IFT52: variants seen among roughly 807,000 people sequenced by gnomAD.
IFT52 encodes the protein intraflagellar transport protein 52 homolog.
IFT52 carries 44 observed loss-of-function variants against 54.4 expected under a neutral mutation model. That is an observed-to-expected ratio of 0.81 (90% CI 0.63 to 1.04). IFT52 has a LOEUF of 1.04. Among genes scored for constraint, IFT52 ranks in the 50% least tolerant of loss-of-function variants. The probability of loss-of-function intolerance (pLI) is 0.00; values close to 1 mark genes in which losing one functional copy is unlikely to be tolerated. For missense variants in IFT52, 452 were observed against 523.6 expected, an observed-to-expected ratio of 0.86 and a Z score of 1.33; for synonymous variants, 181 against 185.3, an observed-to-expected ratio of 0.98 and a Z score of 0.19.
intron 1 of IFT52, among the ~76,000 whole-genome samples, chr20:43,593,908 CAAAG>C (rs1280779525): frequency 6.6e-6 from 1 of 151,880 alleles, no homozygotes; most frequent in Non-Finnish European, 1.5e-5. Flanking sequence ...TGTGTACTGA[CAAAG>C]AAAGATGTCA....
intron 6 of IFT52, among the ~76,000 whole-genome samples, chr20:43,608,607 T>C (rs1278949058): frequency 6.6e-6 from 1 of 152,142 alleles, no homozygotes; most frequent in Non-Finnish European, 1.5e-5. Flanking sequence ...AAAGTTTTAG[T>C]AGTGAAAATA....
chr20:43,599,762 G>C (rs1982276366), intron 3 of IFT52, among the ~76,000 whole-genome samples: 1 of 152,118 alleles, frequency 6.6e-6, no homozygotes, highest in Non-Finnish European at 1.5e-5. Context: ...TAGAAACTAG[G>C]CTGAACAGTC....
intron 9 of IFT52, 58 bp downstream of exon 9, chr20:43,620,983 C>A: frequency 8.6e-7 from 1 of 1,168,428 alleles, no homozygotes; most frequent in South Asian, 1.3e-5. Context: ...TTCTCAGTAC[C>A]ACTTCTCACA....
At position 43,642,632 on chromosome 20, in the gene IFT52, G is replaced by A. The variant is rs777433290; in HGVS notation, c.1266+8G>A. The A allele has an allele frequency of 6.2e-7, 1 of 1,613,552 alleles. No homozygotes were observed. The highest frequency in any genetic ancestry group is 2.2e-5 in the East Asian group (1 of 44,880). On this transcript the variant is annotated splice_region_variant and intron_variant, in intron 13 of 13. Coordinates refer to ENST00000373030, the MANE Select transcript of IFT52 (RefSeq NM_016004.5). ...TTCAAGAAATTGAACCAGGTACAGAGCCTACAAGGCACAGTGTAGTGGGAG... is the reference window on the plus strand; with the variant it reads ...TTCAAGAAATTGAACCAGGTACAGAACCTACAAGGCACAGTGTAGTGGGAG...
chr20:43,646,396 T>G (rs1029472544), intron 13 of IFT52, among the ~76,000 whole-genome samples: 5 of 152,112 alleles, frequency 3.3e-5, no homozygotes, highest in African/African-American at 1.2e-4. Flanking sequence ...GGCAGTGTTT[T>G]ACTCTCCACG....
chr20:43,604,639 C>G (rs1982715010), intron 5 of IFT52, among the ~76,000 whole-genome samples: 1 of 151,934 alleles, frequency 6.6e-6, no homozygotes, highest in Admixed American at 6.6e-5. Context: ...TAAATCTTCC[C>G]TCGTCTCTTC....
At chr20:43,619,200 A>C (rs1488549942) in intron 8 of IFT52, among the ~76,000 whole-genome samples, 174 bp downstream of exon 8, 1 of 152,178 alleles carries the variant, frequency 6.6e-6, no homozygotes, top group Non-Finnish European at 1.5e-5. Flanking sequence ...TGCTTTGGAA[A>C]AGTTTGTAAT....
intron 8 of IFT52, among the ~76,000 whole-genome samples, chr20:43,620,265 A>G (rs1186476727): frequency 1.3e-5 from 2 of 152,162 alleles, no homozygotes; most frequent in Non-Finnish European, 2.9e-5. Flanking sequence ...CATCACAGTA[A>G]ATAGGGATTA....
intron 10 of IFT52, among the ~76,000 whole-genome samples, chr20:43,624,844 C>T (rs1463926923): frequency 1.3e-5 from 2 of 152,144 alleles, no homozygotes; most frequent in Non-Finnish European, 2.9e-5. Context: ...TCCTTTCTCA[C>T]CCCCGTGTAT....
At chr20:43,642,913 T>C (rs865822096) in intron 13 of IFT52, among the ~76,000 whole-genome samples, 12 of 152,186 alleles carry the variant, frequency 7.9e-5, no homozygotes, top group African/African-American at 2.9e-4. Flanking sequence ...ACGCCTGTAA[T>C]CCCAACACTT....
At chr20:43,614,730 T>C (rs1471903427) in intron 7 of IFT52, among the ~76,000 whole-genome samples, 2 of 152,006 alleles carry the variant, frequency 1.3e-5, no homozygotes, top group Non-Finnish European at 2.9e-5. Flanking sequence ...TTTTTCCAGT[T>C]ATTATCCTAG....
intron 3 of IFT52, among the ~76,000 whole-genome samples, chr20:43,602,251 G>A (rs1982523841): frequency 6.6e-6 from 1 of 151,056 alleles, no homozygotes; most frequent in Non-Finnish European, 1.5e-5. Context: ...TGCAACCTCC[G>A]CCTCCCAGGT....
Position 43,620,524 on chromosome 20 carries a change from C to G in IFT52, c.700-333C>G, listed in dbSNP as rs547547859. On this transcript the variant is annotated intron_variant, in intron 8 of 13. Transcript: ENST00000373030. Reference sequence around the variant, plus strand: ...TACAAAAATCAACCAGGCCTGGTGGCAGGCACCTGTAATCCCAGCTCCTCA... The same window carrying G: ...TACAAAAATCAACCAGGCCTGGTGGGAGGCACCTGTAATCCCAGCTCCTCA... 6.6e-5 allele frequency among the ~76,000 whole-genome samples: 10 copies of G among 152,222 alleles called. No individual in the cohort carries two copies. The South Asian group carries it at 2.1e-3, about 32-fold the overall frequency.
At position 43,596,486 on chromosome 20, in the gene IFT52, T is replaced by A; in HGVS notation, c.171T>A (p.Ile57=). ...AGTTAAATGGAGTGAAACTGTGGAT[T>A]ACAGCTGGGCCAAGGGAAAAATTTA... ...SEKLNGVKLW[I]TAGPREKFTA... is the part of the protein sequence containing the mutation. The change falls in exon 3 of 14, where the codon ATT becomes ATA. Residue 57 remains isoleucine (I), a synonymous_variant. Transcript: ENST00000373030. 6.2e-7 allele frequency: 1 copy of A among 1,607,982 alleles called. No homozygotes were observed. Among genetic ancestry groups the A allele is most frequent in the South Asian group, 1.1e-5 (1 of 90,348 alleles).
intron 13 of IFT52, among the ~76,000 whole-genome samples, chr20:43,646,224 AAT>A (rs1986191806): frequency 6.6e-6 from 1 of 151,936 alleles, no homozygotes; most frequent in Admixed American, 6.6e-5. Flanking sequence ...AAAAAAAAAA[AAT>A]TCTATAGTGA....
intron 6 of IFT52, among the ~76,000 whole-genome samples, chr20:43,605,655 C>A (rs544567440): frequency 6.6e-6 from 1 of 151,908 alleles, no homozygotes; most frequent in East Asian, 1.9e-4. Context: ...TTGGATATAT[C>A]CCAGTTTATC....
intron 7 of IFT52, 110 bp from the exon 8 acceptor site, chr20:43,618,830 C>A: frequency 1.4e-6 from 1 of 712,602 alleles, no homozygotes; most frequent in Non-Finnish European, 2.4e-6. Flanking sequence ...AATTGGCACT[C>A]TTCAGTATAT....
At chr20:43,616,913 T>G (rs975688914) in intron 7 of IFT52, among the ~76,000 whole-genome samples, 1 of 152,042 alleles carries the variant, frequency 6.6e-6, no homozygotes, top group Non-Finnish European at 1.5e-5. Flanking sequence ...CTTGGGAGGC[T>G]GAGGCAGGAG....
At chr20:43,610,403 G>A (rs550695330) in intron 6 of IFT52, among the ~76,000 whole-genome samples, 40 of 151,932 alleles carry the variant, frequency 2.6e-4, no homozygotes, top group African/African-American at 9.4e-4. Context: ...AATATGTATA[G>A]CAATATAATT....
Sources: gnomAD v4.1 joint callset for allele counts (sites outside exome capture counted in the v4.1 genomes callset) on GRCh38, gnomAD v4.1.1 for gene constraint, MANE v1.5 for transcripts, NCBI Gene and HGNC (gene_info 2026-07-23, HGNC 2026-07-21) for gene names.